The following TLE3 variants were observed in gnomAD, a reference collection of about 807,000 sequenced individuals.
TLE3 encodes the protein transducin-like enhancer protein 3.
TLE3 carries 14 observed loss-of-function variants against 93.0 expected under a neutral mutation model. The ratio of observed to expected loss-of-function variants is 0.15; its 90% CI spans 0.10 to 0.24. The LOEUF (loss-of-function observed/expected upper bound fraction) is 0.24, where lower values mean the gene tolerates loss of function less well. Ranked by LOEUF, TLE3 falls within the 10% of genes least tolerant of loss-of-function variation. TLE3 has a pLI of 1.00. For missense variants in TLE3, 693 were observed against 1,046.6 expected, an observed-to-expected ratio of 0.66 and a Z score of 4.66; for synonymous variants, 451 against 425.0, an observed-to-expected ratio of 1.06 and a Z score of -0.75.
intron 4 of TLE3, among the ~76,000 whole-genome samples, chr15:70,084,844 A>G (rs941230834): frequency 6.6e-6 from 1 of 152,202 alleles, no homozygotes; most frequent in African/African-American, 2.4e-5. Context: ...GGCCTTGACA[A>G]TTTGGGGACT....
chr15:70,074,470 G>C (rs1051190737), intron 6 of TLE3, 63 bp downstream of exon 6: 8 of 1,552,296 alleles, frequency 5.2e-6, no homozygotes, highest in Non-Finnish European at 3.5e-6. Context: ...CTCTGGTTAT[G>C]ATAAATGAGA....
intron 5 of TLE3, among the ~76,000 whole-genome samples, chr15:70,075,136 G>T (rs567660340): frequency 6.6e-6 from 1 of 152,332 alleles, no homozygotes; most frequent in East Asian, 1.9e-4. Context: ...AACAAAGTAT[G>T]TTTCCAGATG....
chr15:70,053,890 AAC>A (rs949889451), intron 16 of TLE3: 2 of 159,052 alleles, frequency 1.3e-5, no homozygotes, highest in African/African-American at 2.4e-5. Flanking sequence ...CACGCTGAAT[AAC>A]ACACACAGCC....
At position 70,097,756 on chromosome 15, in the gene TLE3, A is replaced by G. The variant is rs2058629846; in HGVS notation, c.-958T>C. 1 of 394,432 alleles carries G rather than the reference A, an allele frequency of 2.5e-6. No homozygotes were observed. The highest frequency in any genetic ancestry group is 4.5e-6 in the Non-Finnish European group (1 of 223,902). 24.4% of individuals were successfully genotyped at this position (394,432 alleles called of 1,614,324 possible). On this transcript the variant is annotated 5_prime_UTR_variant, in exon 1 of 20. Transcript: ENST00000451782. ...CCGGCTCTCCTCTCCGCGCCCCGGC[A>G]AACCCCCAAAACACACACACCCAAC... is the stretch of plus-strand genomic sequence containing the variant.
At chr15:70,077,101 A>G (rs1350376846) in intron 4 of TLE3, among the ~76,000 whole-genome samples, 2 of 152,250 alleles carry the variant, frequency 1.3e-5, no homozygotes, top group Non-Finnish European at 2.9e-5. Flanking sequence ...AATCCCTCAC[A>G]GAAGTCAATC....
At chr15:70,065,399 C>G (rs1181605505) in intron 7 of TLE3, among the ~76,000 whole-genome samples, 1 of 152,212 alleles carries the variant, frequency 6.6e-6, no homozygotes, top group Admixed American at 6.5e-5. Context: ...AGTTCTGACT[C>G]CAAGTCTATG....
intron 2 of TLE3, 141 bp downstream of exon 2, chr15:70,096,020 A>AG: frequency 9.9e-7 from 1 of 1,014,872 alleles, no homozygotes; most frequent in South Asian, 1.7e-5. Flanking sequence ...GCGCTCGGAA[A>AG]GGGGAAACAA....
rs115677811 is a variant in TLE3, at chr15:70,062,535, C to T, written c.595-1886G>A. Among the ~76,000 whole-genome samples the T allele has an allele frequency of 3.2e-3, 490 of 152,330 alleles. 4 individuals are homozygous for T. The highest frequency in any genetic ancestry group is 0.011 in the African/African-American group (476 of 41,580). On this transcript the variant is annotated intron_variant, in intron 8 of 19. Transcript: ENST00000451782. ...GGCATTTAGCGGCATCGATCCAGCC[C>T]GCCTCTGGCTGGCAGGCGGCCAAAA... is the stretch of plus-strand genomic sequence containing the variant.
intron 4 of TLE3, among the ~76,000 whole-genome samples, chr15:70,087,339 T>C (rs2058080852): frequency 6.6e-6 from 1 of 152,244 alleles, no homozygotes; most frequent in African/African-American, 2.4e-5. Flanking sequence ...CTGATGCTTT[T>C]ATCCTGGTGT....
At chr15:70,094,390 G>C (rs1176283514) in intron 4 of TLE3, 142 bp downstream of exon 4, 5 of 659,570 alleles carry the variant, frequency 7.6e-6, no homozygotes, top group African/African-American at 1.9e-5. Context: ...TGCATTTCAA[G>C]GACTGGATCC....
chr15:70,066,913 A>C, intron 6 of TLE3: 1 of 390,242 alleles, frequency 2.6e-6, no homozygotes, highest in South Asian at 1.8e-5. Context: ...AGGTTACTTC[A>C]AGTCCTGGAG....
intron 4 of TLE3, among the ~76,000 whole-genome samples, chr15:70,084,584 C>A (rs578224352): frequency 6.6e-6 from 1 of 152,142 alleles, no homozygotes; most frequent in Non-Finnish European, 1.5e-5. Flanking sequence ...CTTGATATAG[C>A]CTATGGATAA....
In TLE3 at chr15:70,080,499, G is replaced by A. The variant is rs190670680; in HGVS notation, c.235-4341C>T. On this transcript the variant is annotated intron_variant, in intron 4 of 19. Transcript: ENST00000451782. ...TGGGGACAGAGGTCCTGCTACATCC[G>A]GAATCTGCACTACCAACTGGGCGCT... 5.1e-4 allele frequency among the ~76,000 whole-genome samples: 78 copies of A among 152,228 alleles called. No individual in the cohort carries two copies. In the East Asian group the frequency reaches 9.1e-3, roughly 18 times the overall value.
chr15:70,090,722 C>T (rs376039060), intron 4 of TLE3, among the ~76,000 whole-genome samples: 116 of 152,306 alleles, frequency 7.6e-4, no homozygotes, highest in African/African-American at 2.7e-3. Flanking sequence ...CCACCTTTCC[C>T]GGTCTGTGAA....
chr15:70,057,394 C>A, intron 13 of TLE3, 65 bp downstream of exon 13: 1 of 1,510,318 alleles, frequency 6.6e-7, no homozygotes, highest in Non-Finnish European at 8.9e-7. Flanking sequence ...GGGGAGCACC[C>A]GTCCAACCAC....
rs2055320717 is a variant in TLE3, at chr15:70,049,360, T to C, written c.*737A>G. 6.6e-6 allele frequency: 1 copy of C among 152,182 alleles called. No individual in the cohort carries two copies. 9.4% of individuals were successfully genotyped at this position (152,182 alleles called of 1,614,324 possible). A position where few individuals can be genotyped will look rare whatever the true frequency, so the allele number is the denominator to read the frequency against. ...CTCAGTCTGGCCGGCTGGTTATCAGTCCGGATGCCCAGACCCGTGTGGAGG... is the reference window on the plus strand; with the variant it reads ...CTCAGTCTGGCCGGCTGGTTATCAGCCCGGATGCCCAGACCCGTGTGGAGG... On this transcript the variant is annotated 3_prime_UTR_variant, in exon 20 of 20. Transcript: ENST00000451782.
Position 70,097,776 on chromosome 15 carries a change from C to G in TLE3, c.-978G>C. ...CCGGCAAACCCCCAAAACACACACACCCAACACACACACACGCGCGCACGC... is the reference window on the plus strand; with the variant it reads ...CCGGCAAACCCCCAAAACACACACAGCCAACACACACACACGCGCGCACGC... On this transcript the variant is annotated 5_prime_UTR_variant, in exon 1 of 20. Coordinates refer to ENST00000451782, the MANE Select transcript of TLE3 (RefSeq NM_001105192.3). The G allele has an allele frequency of 2.5e-6, 1 of 393,118 alleles. No homozygotes were observed. 24.4% of individuals were successfully genotyped at this position (393,118 alleles called of 1,614,324 possible). A position where few individuals can be genotyped will look rare whatever the true frequency, so the allele number is the denominator to read the frequency against.
At position 70,096,285 on chromosome 15, in the gene TLE3, G is replaced by A. The variant is rs1457867865; in HGVS notation, c.25-24C>T. 6.5e-6 allele frequency: 10 copies of A among 1,550,174 alleles called. No homozygotes were observed. In the African/African-American group the frequency reaches 9.6e-5, roughly 15 times the overall value. Reference sequence around the variant, plus strand: ...GCCTGGAGCCCGCGAAGACAAGACAGGGGAGGGGGCGGGGGCATGAGACCG... The same window carrying A: ...GCCTGGAGCCCGCGAAGACAAGACAAGGGAGGGGGCGGGGGCATGAGACCG... On this transcript the variant is annotated intron_variant, in intron 1 of 19. Transcript: ENST00000451782.
rs148123914 is a variant in TLE3, at chr15:70,072,851, T to C, written c.372+1682A>G. Among the ~76,000 whole-genome samples, 9 of 152,318 alleles carry C rather than the reference T, an allele frequency of 5.9e-5. 1 individual carries two copies. In the South Asian group the frequency reaches 1.9e-3, roughly 32 times the overall value. On this transcript the variant is annotated intron_variant, in intron 6 of 19. Coordinates refer to ENST00000451782, the MANE Select transcript of TLE3 (RefSeq NM_001105192.3). ...GCCCCAAATTTCAACAGTGTCAAGG[T>C]TGACGATCCCCGGGCTAGATGATCT...
Sources: gnomAD v4.1 joint callset for allele counts (sites outside exome capture counted in the v4.1 genomes callset) on GRCh38, gnomAD v4.1.1 for gene constraint, MANE v1.5 for transcripts, NCBI Gene and HGNC (gene_info 2026-07-23, HGNC 2026-07-21) for gene names.